The following AUTS2 variants were observed in gnomAD, a reference collection of about 807,000 sequenced individuals.
AUTS2 encodes autism susceptibility gene 2 protein.
Under a neutral mutation model 112.4 loss-of-function variants are expected in AUTS2, and 17 were observed. The observed-to-expected ratio is 0.15, with a 90% CI of 0.10 to 0.23. The LOEUF (loss-of-function observed/expected upper bound fraction) is 0.23. Ranked by LOEUF, AUTS2 falls within the 10% of genes least tolerant of loss-of-function variation. The pLI is 1.00. For synonymous variants in AUTS2, 751 were observed against 702.7 expected, an observed-to-expected ratio of 1.07 and a Z score of -1.09; for missense variants, 1,510 against 1,701.6, an observed-to-expected ratio of 0.89 and a Z score of 1.98.
chr7:70,595,050 G>A (rs555254406), intron 5 of AUTS2, among the ~76,000 whole-genome samples: 1 of 151,928 alleles, frequency 6.6e-6, no homozygotes, highest in Admixed American at 6.6e-5. Flanking sequence ...GCAGTGAGCC[G>A]AGATTGCACC....
At chr7:70,328,046 A>G (rs1355679357) in intron 4 of AUTS2, among the ~76,000 whole-genome samples, 1 of 152,212 alleles carries the variant, frequency 6.6e-6, no homozygotes, top group African/African-American at 2.4e-5. Context: ...CCTCAATACC[A>G]CAATGATGGA....
chr7:69,901,272 AC>A (rs1794958415), intron 2 of AUTS2, among the ~76,000 whole-genome samples: 1 of 149,838 alleles, frequency 6.7e-6, no homozygotes, highest in Non-Finnish European at 1.5e-5. Context: ...CAATGTAACC[AC>A]CCCCCTCTCC....
intron 4 of AUTS2, among the ~76,000 whole-genome samples, chr7:70,172,432 G>A (rs1355977370): frequency 1.3e-5 from 2 of 152,068 alleles, no homozygotes; most frequent in Non-Finnish European, 2.9e-5. Flanking sequence ...TTCCTTCTTC[G>A]ATTTCATCAG....
At chr7:69,875,802 T>C (rs1053644562) in intron 1 of AUTS2, among the ~76,000 whole-genome samples, 3 of 152,204 alleles carry the variant, frequency 2.0e-5, no homozygotes, top group Non-Finnish European at 4.4e-5. Context: ...TCAGAGCCTC[T>C]ATGCACCCTC....
chr7:70,430,992 C>T (rs564444489), intron 4 of AUTS2, among the ~76,000 whole-genome samples: 19 of 152,074 alleles, frequency 1.2e-4, no homozygotes, highest in Non-Finnish European at 2.2e-4. Context: ...CCCGCCAGCA[C>T]GCCCAGCTAA....
At chr7:69,621,725 T>G (rs1474970832) in intron 1 of AUTS2, among the ~76,000 whole-genome samples, 1 of 152,076 alleles carries the variant, frequency 6.6e-6, no homozygotes, top group Non-Finnish European at 1.5e-5. Flanking sequence ...GGGAGGAGGG[T>G]GGTAGACATT....
At chr7:69,866,414 A>G (rs1793234615) in intron 1 of AUTS2, among the ~76,000 whole-genome samples, 1 of 152,118 alleles carries the variant, frequency 6.6e-6, no homozygotes, top group Admixed American at 6.6e-5. Context: ...GAAACCTTCC[A>G]TGATTGCCCC....
chr7:70,625,665 C>T (rs1804900624), intron 5 of AUTS2, among the ~76,000 whole-genome samples: 1 of 152,298 alleles, frequency 6.6e-6, no homozygotes, highest in Middle Eastern at 3.4e-3. Context: ...GAGAAAGTGC[C>T]AGGCCGTCAT....
At chr7:70,512,958 C>T (rs867382283) in intron 5 of AUTS2, among the ~76,000 whole-genome samples, 1 of 152,144 alleles carries the variant, frequency 6.6e-6, no homozygotes, top group Non-Finnish European at 1.5e-5. Flanking sequence ...GCAGTTCCAG[C>T]CCCATTCTGA....
At chr7:69,773,458 C>CAA (rs746707793) in intron 1 of AUTS2, among the ~76,000 whole-genome samples, 3 of 56,376 alleles carry the variant, frequency 5.3e-5, no homozygotes, top group East Asian at 5.0e-4. Context: ...AGGCACAGAC[C>CAA]AAAAAAAAAA....
intron 2 of AUTS2, among the ~76,000 whole-genome samples, chr7:70,053,914 G>A (rs1801875363): frequency 6.6e-6 from 1 of 152,116 alleles, no homozygotes. Context: ...GGAATTCTGT[G>A]TGCTTTTGTG....
chr7:69,988,490 T>C (rs1473233349), intron 2 of AUTS2, among the ~76,000 whole-genome samples: 2 of 152,210 alleles, frequency 1.3e-5, no homozygotes, highest in Non-Finnish European at 2.9e-5. Flanking sequence ...CTCTCATAAT[T>C]ATGCATCACT....
At chr7:70,345,125 G>C (rs934611952) in intron 4 of AUTS2, among the ~76,000 whole-genome samples, 4 of 152,204 alleles carry the variant, frequency 2.6e-5, no homozygotes, top group African/African-American at 9.6e-5. Flanking sequence ...TTTGTAGGGA[G>C]TGTGTGGTAT....
intron 6 of AUTS2, among the ~76,000 whole-genome samples, chr7:70,750,625 C>T (rs555003761): frequency 3.0e-4 from 45 of 152,318 alleles, no homozygotes; most frequent in African/African-American, 1.1e-3. Flanking sequence ...TGGTCTCAAA[C>T]TCCTGGGCTC....
chr7:70,312,754 T>C lies in AUTS2; in HGVS notation c.661-122998T>C, dbSNP rs186736561. Among the ~76,000 whole-genome samples, 172 of 152,362 alleles carry C rather than the reference T, an allele frequency of 1.1e-3. 3 individuals carry two copies. In the Middle Eastern group the frequency reaches 0.027, roughly 24 times the overall value. ...TGTCCAGTACAACTTTCTGTCACAT[T>C]GAAAATGTTCTGCATGGCCCAACAG... On this transcript the variant is annotated intron_variant, in intron 4 of 18. Transcript: ENST00000342771.
At chr7:70,367,285 G>A (rs140596148) in intron 4 of AUTS2, among the ~76,000 whole-genome samples, 30 of 151,130 alleles carry the variant, frequency 2.0e-4, no homozygotes, top group African/African-American at 6.3e-4. Flanking sequence ...GGCCAGGCAC[G>A]GTGGCTCATG....
chr7:70,365,624 A>G (rs1295444191), intron 4 of AUTS2, among the ~76,000 whole-genome samples: 1 of 152,246 alleles, frequency 6.6e-6, no homozygotes, highest in African/African-American at 2.4e-5. Flanking sequence ...TTAAGTAGTA[A>G]GACATGAGAA....
At chr7:69,923,220 G>T (rs1469550428) in intron 2 of AUTS2, among the ~76,000 whole-genome samples, 1 of 152,102 alleles carries the variant, frequency 6.6e-6, no homozygotes, top group Non-Finnish European at 1.5e-5. Flanking sequence ...TTTTCTGAAG[G>T]CATTTTTGAA....
chr7:70,236,037 C>T lies in AUTS2; in HGVS notation c.660+101466C>T, dbSNP rs533770953. ...TATTTTCTTAGCACTTATCACTATT[C>T]GATATAACATTTTATATTCTTCACC... On this transcript the variant is annotated intron_variant, in intron 4 of 18. Coordinates refer to ENST00000342771, the MANE Select transcript of AUTS2 (RefSeq NM_015570.4). Among the ~76,000 whole-genome samples, 315 of 152,198 alleles carry T rather than the reference C, an allele frequency of 2.1e-3. 2 individuals are homozygous for T. The highest frequency in any genetic ancestry group is 0.01 in the Middle Eastern group (3 of 294).
Sources: allele counts gnomAD v4.1 joint callset (sites outside exome capture counted in the v4.1 genomes callset), GRCh38; gene constraint gnomAD v4.1.1; transcripts MANE v1.5; gene names NCBI Gene and HGNC (gene_info 2026-07-23, HGNC 2026-07-21).